Variants in CHGB observed in about 807,000 individuals in gnomAD.
The protein encoded by CHGB is chromogranin B, also known as secretogranin-1.
A neutral mutation model predicts 69.9 loss-of-function variants in CHGB; 46 were observed. The observed-to-expected ratio is 0.66, with a 90% CI of 0.52 to 0.84. The LOEUF (loss-of-function observed/expected upper bound fraction) is 0.84. Ranked by LOEUF, CHGB falls within the 40% of genes least tolerant of loss-of-function variation. CHGB has a pLI of 0.00. For missense variants in CHGB, 796 were observed against 822.2 expected, an observed-to-expected ratio of 0.97 and a Z score of 0.39; for synonymous variants, 312 against 298.2, an observed-to-expected ratio of 1.05 and a Z score of -0.48.
rs571161060 is a variant in CHGB, at chr20:5,918,673, G to A, written c.190+1754G>A. Among the ~76,000 whole-genome samples, 7 of 151,682 alleles carry A rather than the reference G, an allele frequency of 4.6e-5. No individual in the cohort carries two copies. In the South Asian group the frequency reaches 1.0e-3, roughly 23 times the overall value. ...TAAAAATACAAAAAATTAGCCGGGCGTGGTGACACACGCCTGTAGTCCCAG... is the reference window on the plus strand; with the variant it reads ...TAAAAATACAAAAAATTAGCCGGGCATGGTGACACACGCCTGTAGTCCCAG... On this transcript the variant is annotated intron_variant, in intron 3 of 4. Coordinates refer to ENST00000378961, the MANE Select transcript of CHGB (RefSeq NM_001819.3).
At chr20:5,916,755 C>A in intron 2 of CHGB, 71 bp from the exon 3 acceptor site, 2 of 1,378,984 alleles carry the variant, frequency 1.5e-6, no homozygotes, top group Non-Finnish European at 2.1e-6. Flanking sequence ...TCCTTGACAG[C>A]AGCTCTGGGT....
In CHGB at chr20:5,923,893, G is replaced by T. The variant is rs771811980; in HGVS notation, c.1749G>T (p.Gly583=). 6.2e-7 allele frequency: 1 copy of T among 1,614,168 alleles called. No homozygotes were observed. Among genetic ancestry groups the T allele is most frequent in the Admixed American group, 1.7e-5 (1 of 60,032 alleles). Residue 583 remains glycine (G), a synonymous_variant, in exon 4 of 5, where the codon GGG becomes GGT. Transcript: ENST00000378961. Reference sequence around the variant, plus strand: ...CCTTCTCTGAGGATGTGAACTGGGGGTATGAGAAGAGAAACCTCGCCAGGG... The same window carrying T: ...CCTTCTCTGAGGATGTGAACTGGGGTTATGAGAAGAGAAACCTCGCCAGGG... The part of the protein sequence containing the change: ...KKPFSEDVNW[G]YEKRNLARVP...
rs529120729 is a variant in CHGB, at chr20:5,911,660, C to G, written c.27C>G (p.Leu9=). The change falls in exon 1 of 5, where the codon CTC becomes CTG. Residue 9 remains leucine (L), a synonymous_variant. Coordinates refer to ENST00000378961, the MANE Select transcript of CHGB (RefSeq NM_001819.3). ...TGCAGCCAACGCTGCTTCTCAGCCT[C>G]CTGGGAGCCGTGGGGCTGGCGGGTG... MQPTLLLS[L]LGAVGLAAVN... The G allele has an allele frequency of 2.7e-6, 4 of 1,500,530 alleles. No individual in the cohort carries two copies. Among genetic ancestry groups the G allele is most frequent in the Admixed American group, 2.1e-5 (1 of 46,582 alleles). The allele number at this position is 1,500,530 out of a possible 1,614,324, so 93.0% of individuals were successfully genotyped here.
intron 3 of CHGB, chr20:5,917,688 G>A (rs2088484175): frequency 6.6e-6 from 1 of 152,162 alleles, no homozygotes; most frequent in Non-Finnish European, 1.5e-5. Context: ...GACATTATGA[G>A]GTCAATTTTA....
At chr20:5,911,746 T>A in intron 1 of CHGB, 64 bp downstream of exon 1, 1 of 1,335,814 alleles carries the variant, frequency 7.5e-7, no homozygotes, top group South Asian at 1.7e-5. Flanking sequence ...TCCCCGCCGC[T>A]CCCGCAGCCA....
rs551583239 is a variant in CHGB at position 5,913,137 on chromosome 20, G to T, written c.49+1455G>T. Among the ~76,000 whole-genome samples the T allele has an allele frequency of 2.0e-5, 3 of 152,242 alleles. No individual in the cohort carries two copies. The South Asian group carries it at 6.2e-4, about 32-fold the overall frequency. On this transcript the variant is annotated intron_variant, in intron 1 of 4. Coordinates refer to ENST00000378961, the MANE Select transcript of CHGB (RefSeq NM_001819.3). ...ATACTTACAGATCTCTTATGTAACA[G>T]AATATTTTAAATAAAAGTTTATATT...
At position 5,916,846 on chromosome 20, in the gene CHGB, G is replaced by C; in HGVS notation, c.117G>C (p.Glu39Asp). Residue 39 changes from glutamate (E) to aspartate (D), a missense_variant, in exon 3 of 5, where the codon GAG (glutamate) becomes GAC (aspartate). Transcript: ENST00000378961. The part of the protein sequence containing the change: ...NEGMVTRCII[E>D]VLSNALSKSS... ...CCCAGGTGACTCGCTGCATCATTGA[G>C]GTCCTCTCAAATGCCTTGTCGAAGT... is the stretch of plus-strand genomic sequence containing the variant. 1 of 1,614,148 alleles carries C rather than the reference G, an allele frequency of 6.2e-7. No homozygotes were observed. Among genetic ancestry groups the C allele is most frequent in the South Asian group, 1.1e-5 (1 of 91,080 alleles).
intron 3 of CHGB, 175 bp downstream of exon 3, chr20:5,917,094 C>T (rs990863985): frequency 6.3e-6 from 4 of 639,634 alleles, no homozygotes; most frequent in Non-Finnish European, 1.1e-5. Context: ...CTAGTTCCTG[C>T]TTTACCACTT....
chr20:5,924,857 T>C (rs767316486), intron 4 of CHGB, 115 bp from the exon 5 acceptor site: 20 of 606,898 alleles, frequency 3.3e-5, no homozygotes, highest in Non-Finnish European at 5.6e-5. Context: ...TGAGGTAGGT[T>C]GACTAATGCA....
chr20:5,923,717 T>C lies in CHGB; in HGVS notation c.1573T>C (p.Tyr525His). Residue 525 changes from tyrosine to histidine, a missense_variant, in exon 4 of 5, where the codon TAC (tyrosine) becomes CAC (histidine). By Grantham distance (83) the Tyr-to-His change is moderately conservative. Coordinates refer to ENST00000378961, the MANE Select transcript of CHGB (RefSeq NM_001819.3). Reference sequence around the variant, plus strand: ...GAGATTAGGGGAACTGTTCAACCCATACTACGACCCTCTCCAGTGGAAGAG... The same window carrying C: ...GAGATTAGGGGAACTGTTCAACCCACACTACGACCCTCTCCAGTGGAAGAG... ...RKRLGELFNPYYDPLQWKSSH... is the reference protein window; with the variant it reads ...RKRLGELFNPHYDPLQWKSSH... 1.2e-6 allele frequency: 2 copies of C among 1,614,096 alleles called. No individual in the cohort carries two copies. Among genetic ancestry groups the C allele is most frequent in the South Asian group, 2.2e-5 (2 of 91,072 alleles).
intron 3 of CHGB, among the ~76,000 whole-genome samples, chr20:5,918,810 T>TAAAA (rs71182109): frequency 0.012 from 374 of 31,458 alleles, 19 homozygotes; most frequent in East Asian, 0.036. Context: ...AGTCTCTGTC[T>TAAAA]AAAAAAAAAA....
intron 3 of CHGB, among the ~76,000 whole-genome samples, chr20:5,920,367 G>C (rs1021491252): frequency 2.6e-5 from 4 of 152,130 alleles, no homozygotes. Context: ...GTCTTAGTCA[G>C]CTTGGGCTGC....
intron 3 of CHGB, among the ~76,000 whole-genome samples, chr20:5,918,161 A>AAAAC (rs2088489686): frequency 1.3e-5 from 2 of 148,894 alleles, no homozygotes; most frequent in Admixed American, 6.6e-5. Context: ...AAAAAAAAAA[A>AAAAC]AAAAAAAAAA....
At chr20:5,913,382 TC>T (rs2088456835) in intron 1 of CHGB, among the ~76,000 whole-genome samples, 1 of 152,102 alleles carries the variant, frequency 6.6e-6, no homozygotes, top group African/African-American at 2.4e-5. Flanking sequence ...CCCCACAGCC[TC>T]TGGCAATGAG....
At chr20:5,920,945 A>G (rs1295232856) in intron 3 of CHGB, among the ~76,000 whole-genome samples, 1 of 152,256 alleles carries the variant, frequency 6.6e-6, no homozygotes, top group Non-Finnish European at 1.5e-5. Flanking sequence ...TTTACAAAAT[A>G]AATAATTTTT....
chr20:5,924,278 C>T (rs1232153837), intron 4 of CHGB, among the ~76,000 whole-genome samples, 178 bp downstream of exon 4: 1 of 152,170 alleles, frequency 6.6e-6, no homozygotes, highest in African/African-American at 2.4e-5. Context: ...CTCTAGCCAT[C>T]GTCCACATCC....
rs149585499 is a variant in CHGB, at chr20:5,923,886, A to G, written c.1742A>G (p.Asn581Ser). 1.4e-5 allele frequency: 23 copies of G among 1,614,082 alleles called. No homozygotes were observed. The African/African-American group carries it at 2.9e-4, about 21-fold the overall frequency. Residue 581 changes from asparagine (N) to serine (S), a missense_variant, in exon 4 of 5, where the codon AAC (asparagine) becomes AGC (serine). Physicochemically the swap from Asn to Ser is conservative, Grantham distance 46. Transcript: ENST00000378961. ...WEKKPFSEDV[N>S]WGYEKRNLAR... ...AAAAAGCCCTTCTCTGAGGATGTGA[A>G]CTGGGGGTATGAGAAGAGAAACCTC...
chr20:5,924,606 G>A (rs2088538958), intron 4 of CHGB, among the ~76,000 whole-genome samples: 1 of 152,166 alleles, frequency 6.6e-6, no homozygotes, highest in Non-Finnish European at 1.5e-5. Context: ...ACTGCCATCA[G>A]AAATTTGTAT....
Position 5,924,855 on chromosome 20 carries a change from G to T in CHGB, c.1957-117G>T, listed in dbSNP as rs1404811074. 5 of 602,668 alleles carry T rather than the reference G, an allele frequency of 8.3e-6. No individual in the cohort carries two copies. In the East Asian group the frequency reaches 1.5e-4, roughly 18 times the overall value. 37.3% of individuals were successfully genotyped at this position (602,668 alleles called of 1,614,324 possible). Reference sequence around the variant, plus strand: ...CACACTTTGAGAGTTACTGAGGTAGGTTGACTAATGCAGCTTCTAACATGC... The same window carrying T: ...CACACTTTGAGAGTTACTGAGGTAGTTTGACTAATGCAGCTTCTAACATGC... On this transcript the variant is annotated intron_variant, in intron 4 of 4. Transcript: ENST00000378961.
Sources: allele counts gnomAD v4.1 joint callset (sites outside exome capture counted in the v4.1 genomes callset), GRCh38; gene constraint gnomAD v4.1.1; transcripts MANE v1.5; gene names NCBI Gene and HGNC (gene_info 2026-07-23, HGNC 2026-07-21).